The following MCF2L2 variants were observed in gnomAD, a reference collection of about 807,000 sequenced individuals.
The protein encoded by MCF2L2 is MCF.2 cell line derived transforming sequence-like 2.
MCF2L2 carries 102 observed loss-of-function variants against 150.2 expected under a neutral mutation model. The ratio of observed to expected loss-of-function variants is 0.68; its 90% CI spans 0.58 to 0.80. The LOEUF is 0.80. MCF2L2 is among the 30% of genes least tolerant of loss of function. MCF2L2 has a pLI of 0.00. For synonymous variants in MCF2L2, 465 were observed against 491.3 expected, an observed-to-expected ratio of 0.95 and a Z score of 0.71; for missense variants, 1,256 against 1,372.8, an observed-to-expected ratio of 0.91 and a Z score of 1.34.
At chr3:183,275,910 G>A (rs1167363714) in intron 15 of MCF2L2, among the ~76,000 whole-genome samples, 1 of 152,082 alleles carries the variant, frequency 6.6e-6, no homozygotes, top group African/African-American at 2.4e-5. Context: ...ACAGACCTGA[G>A]CCACCACACC....
At chr3:183,221,527 C>A (rs1006761212) in intron 20 of MCF2L2, among the ~76,000 whole-genome samples, 1 of 152,162 alleles carries the variant, frequency 6.6e-6, no homozygotes, top group Non-Finnish European at 1.5e-5. Context: ...CAGCCCTCTG[C>A]GTCTGGTACC....
rs138039237 is a variant in MCF2L2 at position 183,207,675 on chromosome 3, C to T, written c.2645G>A (p.Cys882Tyr). 6 of 1,614,230 alleles carry T rather than the reference C, an allele frequency of 3.7e-6. No homozygotes were observed. Among genetic ancestry groups the T allele is most frequent in the Non-Finnish European group, 5.1e-6 (6 of 1,180,022 alleles). Residue 882 changes from cysteine to tyrosine, a missense_variant, in exon 23 of 30, where the codon TGT becomes TAT. Physicochemically the swap from Cys to Tyr is radical, Grantham distance 194. Transcript: ENST00000328913. ...GTCCCCAGGCTCCATTCGTATCTTA[C>T]AGAACACTATTCCCCTTTCAAATAG... is the stretch of plus-strand genomic sequence containing the variant. ...IYLFERGIVF[C>Y]KIRMEPGDQG...
intron 15 of MCF2L2, 77 bp from the exon 16 acceptor site, chr3:183,231,094 G>C: frequency 9.2e-7 from 1 of 1,087,822 alleles, no homozygotes; most frequent in Admixed American, 1.7e-5. Flanking sequence ...AATTCTGTTA[G>C]AATAATGCTC....
At chr3:183,232,052 C>T (rs527680408) in intron 15 of MCF2L2, among the ~76,000 whole-genome samples, 2 of 152,214 alleles carry the variant, frequency 1.3e-5, no homozygotes, top group African/African-American at 4.8e-5. Context: ...TGGGCCTGTC[C>T]TAATCATATG....
In MCF2L2 at chr3:183,306,681, T is replaced by C. The variant is rs114735423; in HGVS notation, c.1113+3035A>G. Among the ~76,000 whole-genome samples the C allele has an allele frequency of 3.5e-3, 528 of 152,286 alleles. 1 individual carries two copies. Among genetic ancestry groups the C allele is most frequent in the African/African-American group, 0.012 (492 of 41,572 alleles). ...GGCAGAAAGCTAATGGTTGTTGAAA[T>C]TGAATGATGGACACTTGGAGTTCAT... On this transcript the variant is annotated intron_variant, in intron 10 of 29. Transcript: ENST00000328913.
chr3:183,291,017 G>C (rs762488185), intron 13 of MCF2L2, among the ~76,000 whole-genome samples: 3 of 151,184 alleles, frequency 2.0e-5, no homozygotes, highest in Non-Finnish European at 4.4e-5. Context: ...GTTTTTCATA[G>C]ATGTTATGTT....
chr3:183,297,212 C>T, intron 11 of MCF2L2, 45 bp from the exon 12 acceptor site: 2 of 1,530,026 alleles, frequency 1.3e-6, no homozygotes, highest in Non-Finnish European at 1.8e-6. Context: ...CTGACCACAA[C>T]TCAGAGCCAC....
intron 1 of MCF2L2, among the ~76,000 whole-genome samples, chr3:183,406,557 C>T (rs1226888520): frequency 2.0e-5 from 3 of 152,138 alleles, no homozygotes; most frequent in Admixed American, 6.6e-5. Context: ...AGCACAATCT[C>T]GGCTCACTGC....
intron 10 of MCF2L2, among the ~76,000 whole-genome samples, chr3:183,309,156 A>G (rs1729242319): frequency 6.6e-6 from 1 of 152,176 alleles, no homozygotes; most frequent in South Asian, 2.1e-4. Flanking sequence ...CACATTTACA[A>G]CTCTTGGGAC....
chr3:183,229,826 CAG>C (rs756128303), intron 16 of MCF2L2, 45 bp from the exon 17 acceptor site: 7 of 801,600 alleles, frequency 8.7e-6, no homozygotes, highest in Middle Eastern at 2.3e-4. Flanking sequence ...AGGAACATAC[CAG>C]AGATCATCTG....
At chr3:183,361,105 G>GACAAGAAAAGAAAAGAAAAT (rs1553787962) in intron 3 of MCF2L2, among the ~76,000 whole-genome samples, 1 of 136,906 alleles carries the variant, frequency 7.3e-6, no homozygotes, top group African/African-American at 2.8e-5. Context: ...GACAAGACAA[G>GACAAGAAAAGAAAAGAAAAT]AAAAGAAAAA....
intron 7 of MCF2L2, among the ~76,000 whole-genome samples, chr3:183,314,724 G>C (rs901671737): frequency 1.3e-5 from 2 of 150,790 alleles, no homozygotes; most frequent in African/African-American, 4.9e-5. Context: ...CTGTACTGAA[G>C]AATGAATCTT....
intron 1 of MCF2L2, among the ~76,000 whole-genome samples, chr3:183,408,471 G>A (rs1011234135): frequency 6.6e-6 from 1 of 152,188 alleles, no homozygotes; most frequent in Non-Finnish European, 1.5e-5. Flanking sequence ...GTGGTGGCCT[G>A]GTTCTGGCCC....
intron 14 of MCF2L2, among the ~76,000 whole-genome samples, chr3:183,288,685 C>A: frequency 6.6e-6 from 1 of 151,882 alleles, no homozygotes; most frequent in Non-Finnish European, 1.5e-5. Context: ...TTTCACCATG[C>A]TAGCCAGACT....
rs764398195 is a variant in MCF2L2, at chr3:183,309,702, G to A, written c.1113+14C>T. ...AACCTCCCTCCCAGTACACAAAAAT[G>A]TCAGAAAGCAAACCTGGCTTTTTTC... On this transcript the variant is annotated intron_variant, in intron 10 of 29. Coordinates refer to ENST00000328913, the MANE Select transcript of MCF2L2 (RefSeq NM_015078.4). 7 of 1,613,942 alleles carry A rather than the reference G, an allele frequency of 4.3e-6. No homozygotes were observed. The highest frequency in any genetic ancestry group is 1.7e-4 in the Middle Eastern group (1 of 6,060).
At chr3:183,348,409 G>C (rs913025671) in intron 3 of MCF2L2, among the ~76,000 whole-genome samples, 1 of 151,396 alleles carries the variant, frequency 6.6e-6, no homozygotes, top group South Asian at 2.1e-4. Context: ...TCAGTGGGTC[G>C]GGGGTCGGGT....
At position 183,302,697 on chromosome 3, in the gene MCF2L2, G is replaced by A. The variant is rs115723678; in HGVS notation, c.1114-2501C>T. Among the ~76,000 whole-genome samples, 1,045 of 152,050 alleles carry A rather than the reference G, an allele frequency of 6.9e-3. 8 individuals are homozygous for A. Among genetic ancestry groups the A allele is most frequent in the African/African-American group, 0.024 (1,008 of 41,448 alleles). On this transcript the variant is annotated intron_variant, in intron 10 of 29. Transcript: ENST00000328913. ...TGGTCACCAAACTAGCTCCTGACTC[G>A]ACCCTTCTCTGGATTGTTCTTCCCT...
chr3:183,285,243 C>A (rs1289674275), intron 14 of MCF2L2, among the ~76,000 whole-genome samples: 1 of 152,194 alleles, frequency 6.6e-6, no homozygotes, highest in Non-Finnish European at 1.5e-5. Flanking sequence ...GCTGCTTCCA[C>A]ACATTTCTCA....
At chr3:183,403,385 G>A (rs1714875309) in intron 1 of MCF2L2, among the ~76,000 whole-genome samples, 1 of 152,258 alleles carries the variant, frequency 6.6e-6, no homozygotes, top group Admixed American at 6.5e-5. Flanking sequence ...ATAAGAGAGA[G>A]TGAGATTGTA....
Sources: gnomAD v4.1 joint callset for allele counts (sites outside exome capture counted in the v4.1 genomes callset) on GRCh38, gnomAD v4.1.1 for gene constraint, MANE v1.5 for transcripts, NCBI Gene and HGNC (gene_info 2026-07-23, HGNC 2026-07-21) for gene names.